NFIC: variants seen among roughly 807,000 people sequenced by gnomAD.
NFIC encodes nuclear factor I C.
Under a neutral mutation model 54.4 loss-of-function variants are expected in NFIC, and 12 were observed. That is an observed-to-expected ratio of 0.22 (90% CI 0.14 to 0.36). NFIC has a LOEUF of 0.36. Ranked by LOEUF, NFIC falls within the 10% of genes least tolerant of loss-of-function variation. The probability of loss-of-function intolerance (pLI) is 1.00; values close to 1 mark genes in which losing one functional copy is unlikely to be tolerated. For synonymous variants in NFIC, 322 were observed against 319.2 expected (o/e 1.01, Z -0.09); for missense variants, 575 against 718.2 (o/e 0.80, Z 2.28).
intron 1 of NFIC, among the ~76,000 whole-genome samples, chr19:3,378,529 T>G (rs566958788): frequency 2.0e-5 from 3 of 152,332 alleles, no homozygotes; most frequent in Non-Finnish European, 4.4e-5. Context: ...GCTGCTGTTA[T>G]TTTCGTGGGG....
At chr19:3,367,981 G>T (rs1019486666) in intron 1 of NFIC, among the ~76,000 whole-genome samples, 1 of 152,168 alleles carries the variant, frequency 6.6e-6, no homozygotes, top group African/African-American at 2.4e-5. Flanking sequence ...TGCTGAGGGG[G>T]TCTGAGGTCT....
chr19:3,409,838 T>C (rs2081722788), intron 2 of NFIC, among the ~76,000 whole-genome samples: 1 of 152,212 alleles, frequency 6.6e-6, no homozygotes, highest in Non-Finnish European at 1.5e-5. Context: ...AGTGACATTC[T>C]TGGCAGTCCA....
chr19:3,463,498 TGCCGCGGG>T lies in NFIC; in HGVS notation c.*733_*740del. 4.1e-6 allele frequency: 4 copies of T among 985,008 alleles called. No homozygotes were observed. The highest frequency in any genetic ancestry group is 4.8e-6 in the Non-Finnish European group (4 of 829,876). The allele number at this position is 985,008 out of a possible 1,614,324, so 61.0% of individuals were successfully genotyped here. On this transcript the variant is annotated 3_prime_UTR_variant, in exon 11 of 11. Transcript: ENST00000443272. ...TGCTGCCCCTCGAGGGGGCCCTGCC[TGCCGCGGG>T]GCCTCCCCACAAGCCCCTCCCAAAG...
intron 1 of NFIC, among the ~76,000 whole-genome samples, chr19:3,378,756 G>C (rs888003883): frequency 2.6e-5 from 4 of 152,140 alleles, no homozygotes; most frequent in Non-Finnish European, 4.4e-5. Flanking sequence ...TGCAGGGAAC[G>C]GGGTGGCCCC....
chr19:3,414,374 A>G (rs983239776), intron 2 of NFIC, among the ~76,000 whole-genome samples: 1 of 152,192 alleles, frequency 6.6e-6, no homozygotes, highest in Admixed American at 6.6e-5. Flanking sequence ...AGGCGGACGG[A>G]TCACGAGGTC....
intron 1 of NFIC, among the ~76,000 whole-genome samples, chr19:3,368,041 C>T (rs1279326572): frequency 6.7e-6 from 1 of 149,780 alleles, no homozygotes; most frequent in Non-Finnish European, 1.5e-5. Context: ...CTGTCCCAGC[C>T]TCAGTTTCCC....
At position 3,458,323 on chromosome 19, in the gene NFIC, C is replaced by T. The variant is rs1431385149; in HGVS notation, c.1509+1688C>T. Among the ~76,000 whole-genome samples the T allele has an allele frequency of 2.6e-5, 4 of 152,142 alleles. No homozygotes were observed. In the East Asian group the frequency reaches 5.8e-4, roughly 22 times the overall value. On this transcript the variant is annotated intron_variant, in intron 10 of 10. Coordinates refer to ENST00000443272, the MANE Select transcript of NFIC (RefSeq NM_001245002.2). The surrounding 1 kb of genome is among the most constrained non-coding windows in gnomAD (Gnocchi z 4.1). Reference sequence around the variant, plus strand: ...CACCCCACATCGCTCCCTGCCCCTGCGGGAGGCTGGGAACGTCTTAAGTGG... The same window carrying T: ...CACCCCACATCGCTCCCTGCCCCTGTGGGAGGCTGGGAACGTCTTAAGTGG...
intron 6 of NFIC, among the ~76,000 whole-genome samples, chr19:3,446,001 C>T (rs1268458025): frequency 1.3e-5 from 2 of 152,132 alleles, no homozygotes; most frequent in East Asian, 1.9e-4. Flanking sequence ...TGCTGCTCAG[C>T]GCCCTGCAGT....
At chr19:3,379,673 C>CTTTTTTTTTTTTTTTTTTTTTTTTT (rs370082450) in intron 1 of NFIC, among the ~76,000 whole-genome samples, 2 of 102,538 alleles carry the variant, frequency 2.0e-5, no homozygotes, top group African/African-American at 4.7e-5. Context: ...TTATTTCTTT[C>CTTTTTTTTTTTTTTTTTTTTTTTTT]TTTTTTTTTT....
At chr19:3,362,010 C>A (rs548115588), upstream of NFIC, among the ~76,000 whole-genome samples, 46 of 152,314 alleles carry the variant, frequency 3.0e-4, 1 homozygote, top group African/African-American at 1.1e-3. Context: ...CTCACGGACA[C>A]AAACACCGCA....
intron 2 of NFIC, among the ~76,000 whole-genome samples, chr19:3,393,137 T>C (rs569660829): frequency 2.2e-4 from 33 of 152,064 alleles, no homozygotes; most frequent in African/African-American, 4.8e-4. Flanking sequence ...GATGGAGTTT[T>C]ACCATGTTGG....
chr19:3,386,448 G>A (rs568857065), intron 2 of NFIC, among the ~76,000 whole-genome samples: 1 of 149,250 alleles, frequency 6.7e-6, no homozygotes, highest in Non-Finnish European at 1.5e-5. Context: ...TCAGCCTCCC[G>A]AGTAGCTGAG....
chr19:3,392,032 AG>A (rs899890548), intron 2 of NFIC, among the ~76,000 whole-genome samples: 4 of 146,512 alleles, frequency 2.7e-5, no homozygotes, highest in African/African-American at 1.0e-4. Flanking sequence ...AATTGAGCAT[AG>A]GGGGTGCCTA....
At chr19:3,449,823 G>A (rs373367203) in intron 7 of NFIC, among the ~76,000 whole-genome samples, 17 of 150,074 alleles carry the variant, frequency 1.1e-4, no homozygotes, top group South Asian at 4.2e-4. Context: ...TTGAGAGGCC[G>A]AGGCAGGCAG....
At chr19:3,394,712 A>T (rs544704068) in intron 2 of NFIC, among the ~76,000 whole-genome samples, 1 of 151,784 alleles carries the variant, frequency 6.6e-6, no homozygotes, top group South Asian at 2.1e-4. Flanking sequence ...ACTCAGCAGG[A>T]GTTGAGCTTA....
intron 1 of NFIC, among the ~76,000 whole-genome samples, chr19:3,360,539 G>C (rs2080797412): frequency 6.6e-6 from 1 of 152,078 alleles, no homozygotes; most frequent in African/African-American, 2.4e-5. Flanking sequence ...TGGCATCTGG[G>C]GGAGCGTCTG....
At chr19:3,376,195 C>T (rs1403049025) in intron 1 of NFIC, among the ~76,000 whole-genome samples, 3 of 151,896 alleles carry the variant, frequency 2.0e-5, no homozygotes, top group Non-Finnish European at 2.9e-5. Context: ...TTAGAGGGGC[C>T]GAGGCGGGAG....
At chr19:3,405,745 GC>G (rs1461405579) in intron 2 of NFIC, among the ~76,000 whole-genome samples, 1 of 151,382 alleles carries the variant, frequency 6.6e-6, no homozygotes, top group Non-Finnish European at 1.5e-5. Flanking sequence ...GATTACAGGT[GC>G]CTGCCACTAC....
rs1371472222 is a variant in NFIC at position 3,452,684 on chromosome 19, C to T, written c.1269+18C>T. 5.1e-6 allele frequency: 8 copies of T among 1,582,510 alleles called. No individual in the cohort carries two copies. In the East Asian group the frequency reaches 6.7e-5, roughly 13 times the overall value. On this transcript the variant is annotated intron_variant, in intron 8 of 10. Transcript: ENST00000443272. The surrounding 1 kb of genome is among the most constrained non-coding windows in gnomAD (Gnocchi z 5.3). ...CTGGACCGGTGAGTTGGGCGGGGCG[C>T]ATTCGGGCCTCTCCTGGCGGCTCCA...
Sources: allele counts gnomAD v4.1 joint callset (sites outside exome capture counted in the v4.1 genomes callset), GRCh38; gene constraint gnomAD v4.1.1; non-coding constraint Gnocchi (gnomAD v3.1); transcripts MANE v1.5; gene names NCBI Gene and HGNC (gene_info 2026-07-23, HGNC 2026-07-21).